UGGT2: variants seen among roughly 807,000 people sequenced by gnomAD.
The protein encoded by UGGT2 is UDP-glucose:glycoprotein glucosyltransferase 2.
In UGGT2, 180 loss-of-function variants were observed where a neutral mutation model predicts 192.1. The observed-to-expected ratio is 0.94, with a 90% CI of 0.83 to 1.06. UGGT2 has a LOEUF of 1.06. Ranked by LOEUF, UGGT2 falls within the 50% of genes least tolerant of loss-of-function variation. The probability of loss-of-function intolerance (pLI) is 0.00; values close to 1 mark genes in which losing one functional copy is unlikely to be tolerated. For missense variants in UGGT2, 1,849 were observed against 1,795.7 expected, an observed-to-expected ratio of 1.03 and a Z score of -0.54; for synonymous variants, 580 against 591.0, an observed-to-expected ratio of 0.98 and a Z score of 0.27.
chr13:95,950,836 G>T lies in UGGT2; in HGVS notation c.1336-1382C>A, dbSNP rs577589213. Among the ~76,000 whole-genome samples the T allele has an allele frequency of 9.2e-5, 14 of 152,140 alleles. No homozygotes were observed. In the East Asian group the frequency reaches 1.9e-3, roughly 21 times the overall value. ...GCAGACTGTACGCAGAAGAGACAGG[G>T]ATTAGTAAACGTGACAACAGATCAA... is the stretch of plus-strand genomic sequence containing the variant. On this transcript the variant is annotated intron_variant, in intron 12 of 38. Transcript: ENST00000376747.
At chr13:95,983,674 A>T (rs1201943124) in intron 10 of UGGT2, 130 bp downstream of exon 10, 2 of 733,030 alleles carry the variant, frequency 2.7e-6, no homozygotes, top group Non-Finnish European at 4.6e-6. Flanking sequence ...AAAATAGAAG[A>T]ACCCAGACTG....
intron 9 of UGGT2, 64 bp downstream of exon 9, chr13:95,986,269 T>C: frequency 8.6e-7 from 1 of 1,166,774 alleles, no homozygotes. Flanking sequence ...AATCAGCTAT[T>C]TTCATAAAAC....
intron 1 of UGGT2, among the ~76,000 whole-genome samples, chr13:96,037,294 G>C (rs2053033679): frequency 6.6e-6 from 1 of 152,164 alleles, no homozygotes; most frequent in Non-Finnish European, 1.5e-5. Context: ...CACCTCCCTG[G>C]TTCAAACAAT....
At position 95,877,739 on chromosome 13, in the gene UGGT2, T is replaced by C. The variant is rs2047381711; in HGVS notation, c.3346A>G (p.Asn1116Asp). 2.5e-6 allele frequency: 4 copies of C among 1,613,920 alleles called. No individual in the cohort carries two copies. In the Admixed American group the frequency reaches 6.7e-5, roughly 27 times the overall value. ...RGLQFTLGTK[N>D]KPAVVDTIVM... ...ATTGTATCAACCACAGCAGGTTTAT[T>C]TTTTGTGCCTAGTGTGAACTGCAGA... The change falls in exon 28 of 39, where the codon AAT (asparagine) becomes GAT (aspartate). Residue 1116 changes from asparagine to aspartate, a missense_variant. Physicochemically the swap from Asn to Asp is conservative, Grantham distance 23. Transcript: ENST00000376747.
chr13:95,866,576 A>G (rs990468441), intron 30 of UGGT2, among the ~76,000 whole-genome samples: 94 of 152,314 alleles, frequency 6.2e-4, no homozygotes, highest in Non-Finnish European at 2.9e-5. Flanking sequence ...ATTTGGGCTA[A>G]AAGACTATGA....
intron 38 of UGGT2, among the ~76,000 whole-genome samples, chr13:95,817,900 T>C (rs1191903483): frequency 6.6e-6 from 1 of 152,078 alleles, no homozygotes; most frequent in African/African-American, 2.4e-5. Context: ...GAAATTAAAA[T>C]GAAAACAACA....
chr13:95,901,858 C>A (rs1209181101), intron 21 of UGGT2, among the ~76,000 whole-genome samples: 1 of 152,160 alleles, frequency 6.6e-6, no homozygotes, highest in African/African-American at 2.4e-5. Flanking sequence ...ATGACCATCA[C>A]CATCCCTAGA....
intron 10 of UGGT2, among the ~76,000 whole-genome samples, chr13:95,976,739 T>G (rs940308949): frequency 3.3e-5 from 5 of 152,180 alleles, no homozygotes; most frequent in Admixed American, 6.5e-5. Context: ...AGAGCCCGTA[T>G]AGCCAAGACA....
At chr13:95,826,199 A>T (rs1330727194) in intron 38 of UGGT2, among the ~76,000 whole-genome samples, 5 of 152,142 alleles carry the variant, frequency 3.3e-5, no homozygotes, top group Admixed American at 6.6e-5. Context: ...TTAAAATAGG[A>T]ATCAATGGTT....
chr13:95,854,035 T>C (rs1035134195), intron 35 of UGGT2, among the ~76,000 whole-genome samples: 26 of 152,194 alleles, frequency 1.7e-4, no homozygotes, highest in African/African-American at 6.0e-4. Flanking sequence ...TGTTATATAC[T>C]AGCAGGGTAA....
At chr13:95,877,135 G>A (rs1418455085) in intron 29 of UGGT2, 144 bp downstream of exon 29, 5 of 601,076 alleles carry the variant, frequency 8.3e-6, no homozygotes, top group Middle Eastern at 4.7e-4. Flanking sequence ...GCCTGCCTCG[G>A]CCTACCAAAG....
At chr13:95,913,470 C>T (rs1329114809) in intron 20 of UGGT2, among the ~76,000 whole-genome samples, 1 of 152,148 alleles carries the variant, frequency 6.6e-6, no homozygotes, top group Non-Finnish European at 1.5e-5. Flanking sequence ...TCTACACAAC[C>T]AACAGACACA....
intron 7 of UGGT2, among the ~76,000 whole-genome samples, chr13:95,992,454 T>C (rs898346440): frequency 6.6e-6 from 1 of 152,194 alleles, no homozygotes; most frequent in African/African-American, 2.4e-5. Flanking sequence ...GTGGCTATTG[T>C]AAATGGGATT....
At chr13:96,009,387 T>A (rs1215046435) in intron 5 of UGGT2, among the ~76,000 whole-genome samples, 2 of 152,126 alleles carry the variant, frequency 1.3e-5, no homozygotes, top group Non-Finnish European at 2.9e-5. Context: ...AAAGAAATTA[T>A]CAACAGAGTA....
chr13:95,915,619 G>A (rs2048657530), intron 20 of UGGT2, among the ~76,000 whole-genome samples: 1 of 152,218 alleles, frequency 6.6e-6, no homozygotes, highest in African/African-American at 2.4e-5. Context: ...GGGTTATAAG[G>A]ACAGAGCTCC....
At chr13:95,888,831 A>G (rs80339907) in intron 25 of UGGT2, among the ~76,000 whole-genome samples, 6 of 149,838 alleles carry the variant, frequency 4.0e-5, no homozygotes, top group Non-Finnish European at 8.9e-5. Flanking sequence ...TTTTTTTTTA[A>G]GAGACATAGT....
intron 8 of UGGT2, among the ~76,000 whole-genome samples, 167 bp from the exon 9 acceptor site, chr13:95,986,599 A>T (rs1335990014): frequency 6.6e-6 from 1 of 152,126 alleles, no homozygotes; most frequent in African/African-American, 2.4e-5. Context: ...TAAAGTTATC[A>T]CTTATTTCCA....
intron 12 of UGGT2, among the ~76,000 whole-genome samples, chr13:95,961,057 A>G (rs2050376384): frequency 6.6e-6 from 1 of 152,212 alleles, no homozygotes; most frequent in African/African-American, 2.4e-5. Context: ...CCCAGAAGTG[A>G]AAGAATGGTA....
intron 36 of UGGT2, among the ~76,000 whole-genome samples, chr13:95,846,421 G>C (rs1888464478): frequency 6.6e-6 from 1 of 151,914 alleles, no homozygotes; most frequent in South Asian, 2.1e-4. Context: ...CGTGCAGAGG[G>C]GAGGAGGGGA....
Sources: allele counts gnomAD v4.1 joint callset (sites outside exome capture counted in the v4.1 genomes callset), GRCh38; gene constraint gnomAD v4.1.1; transcripts MANE v1.5; gene names NCBI Gene and HGNC (gene_info 2026-07-23, HGNC 2026-07-21).